The following MTUS1 variants were observed in gnomAD, a reference collection of about 807,000 sequenced individuals.
MTUS1 encodes microtubule-associated tumor suppressor 1.
A neutral mutation model predicts 120.8 loss-of-function variants in MTUS1; 109 were observed. The ratio of observed to expected loss-of-function variants is 0.90; its 90% CI spans 0.77 to 1.06. The LOEUF is 1.06. Among genes scored for constraint, MTUS1 ranks in the 50% least tolerant of loss-of-function variants. The probability of loss-of-function intolerance (pLI) is 0.00; values close to 1 mark genes in which losing one functional copy is unlikely to be tolerated. For missense variants in MTUS1, 2,210 were observed against 1,486.3 expected, an observed-to-expected ratio of 1.49 and a Z score of -8.01; for synonymous variants, 737 against 550.5, an observed-to-expected ratio of 1.34 and a Z score of -4.74.
At chr8:17,762,197 G>A (rs1035343480) in intron 1 of MTUS1, among the ~76,000 whole-genome samples, 7 of 152,088 alleles carry the variant, frequency 4.6e-5, no homozygotes, top group African/African-American at 1.7e-4. Flanking sequence ...GAGAATCACT[G>A]GAACTCAGGA....
intron 3 of MTUS1, among the ~76,000 whole-genome samples, chr8:17,736,095 G>C (rs1423074076): frequency 2.0e-5 from 3 of 152,132 alleles, no homozygotes; most frequent in African/African-American, 7.2e-5. Flanking sequence ...ACAGAGCAGC[G>C]ACTCTAAGCA....
intron 6 of MTUS1, 86 bp from the exon 7 acceptor site, chr8:17,684,628 A>T (rs1452831492): frequency 9.6e-7 from 1 of 1,036,872 alleles, no homozygotes. Context: ...CAACCAGATA[A>T]GCCACAGAAA....
At chr8:17,701,044 A>G (rs552991444) in intron 6 of MTUS1, among the ~76,000 whole-genome samples, 2 of 152,296 alleles carry the variant, frequency 1.3e-5, no homozygotes, top group East Asian at 3.9e-4. Flanking sequence ...CCTTCAATTT[A>G]TCTGTTATTG....
intron 7 of MTUS1, chr8:17,676,034 G>C: frequency 1.8e-6 from 1 of 555,346 alleles, no homozygotes; most frequent in South Asian, 2.2e-5. Flanking sequence ...AGATTCCCTA[G>C]CACCAGGGAG....
chr8:17,689,034 AC>A (rs1328590768), intron 6 of MTUS1, among the ~76,000 whole-genome samples: 1 of 152,142 alleles, frequency 6.6e-6, no homozygotes, highest in Non-Finnish European at 1.5e-5. Context: ...ACACAGTGAA[AC>A]CCCATCTCGA....
intron 5 of MTUS1, 145 bp downstream of exon 5, chr8:17,715,622 C>CA (rs982782412): frequency 2.2e-6 from 2 of 907,452 alleles, no homozygotes; most frequent in Non-Finnish European, 3.3e-6. Context: ...TTCCTCAGTG[C>CA]AAAAATGTAT....
chr8:17,714,216 C>G (rs892894299), intron 5 of MTUS1, among the ~76,000 whole-genome samples: 3 of 152,142 alleles, frequency 2.0e-5, no homozygotes, highest in Non-Finnish European at 4.4e-5. Flanking sequence ...CTGAAGAATT[C>G]AACCCACTCC....
chr8:17,773,904 G>C (rs942661199), intron 1 of MTUS1, among the ~76,000 whole-genome samples: 1 of 152,186 alleles, frequency 6.6e-6, no homozygotes, highest in East Asian at 1.9e-4. Flanking sequence ...TTCTGAGGTG[G>C]AAGCCAGGGC....
At chr8:17,650,223 C>G (rs1372996173) in intron 12 of MTUS1, among the ~76,000 whole-genome samples, 1 of 152,136 alleles carries the variant, frequency 6.6e-6, no homozygotes, top group Non-Finnish European at 1.5e-5. Flanking sequence ...GTTATTGTAT[C>G]AAGAGAAAAA....
chr8:17,666,360 G>T (rs1810912615), intron 8 of MTUS1, among the ~76,000 whole-genome samples: 1 of 151,786 alleles, frequency 6.6e-6, no homozygotes, highest in Non-Finnish European at 1.5e-5. Context: ...CATTTTTAGA[G>T]CACGAGGGTC....
intron 2 of MTUS1, among the ~76,000 whole-genome samples, 155 bp downstream of exon 2, chr8:17,753,562 C>A (rs1320322084): frequency 1.3e-5 from 2 of 152,014 alleles, no homozygotes; most frequent in African/African-American, 4.8e-5. Flanking sequence ...CCTATTAACA[C>A]CCCAGTACTG....
In MTUS1 at chr8:17,715,874, T is replaced by G. The variant is rs377509441; in HGVS notation, c.2477A>C (p.Glu826Ala). Residue 826 changes from glutamate (E) to alanine (A), a missense_variant, in exon 5 of 15, where the codon GAG becomes GCG. Glu to Ala is a moderately radical substitution (Grantham distance 107). Transcript: ENST00000693296. ...NSGNAAVIKYEEKPPKPAFQN... is the reference protein window; with the variant it reads ...NSGNAAVIKYAEKPPKPAFQN... Reference sequence around the variant, plus strand: ...AAATGCTGGTTTTGGAGGTTTCTCCTCATATTTGATGACAGCGGCATTACC... The same window carrying G: ...AAATGCTGGTTTTGGAGGTTTCTCCGCATATTTGATGACAGCGGCATTACC... 6.2e-7 allele frequency: 1 copy of G among 1,613,498 alleles called. No individual in the cohort carries two copies. The highest frequency in any genetic ancestry group is 2.2e-5 in the East Asian group (1 of 44,862).
rs542562746 is a variant in MTUS1 at position 17,674,568 on chromosome 8, T to A, written c.2905+618A>T. On this transcript the variant is annotated intron_variant, in intron 8 of 14. Coordinates refer to ENST00000693296, the MANE Select transcript of MTUS1 (RefSeq NM_001363059.2). ...AAACTGGAGGGCTGGGTGGTGGGTG[T>A]TGAGACCTGGAAACTGCAGGGCTGG... is the stretch of plus-strand genomic sequence containing the variant. The A allele has an allele frequency of 7.1e-6, 7 of 985,800 alleles. No homozygotes were observed. The South Asian group carries it at 1.9e-4, about 26-fold the overall frequency. The allele number at this position is 985,800 out of a possible 1,614,324, so 61.1% of individuals were successfully genotyped here.
At chr8:17,764,851 C>G (rs2049340640) in intron 1 of MTUS1, among the ~76,000 whole-genome samples, 1 of 152,202 alleles carries the variant, frequency 6.6e-6, no homozygotes, top group South Asian at 2.1e-4. Context: ...GCACCAGGGA[C>G]TGGTTTCATG....
chr8:17,690,002 G>T (rs751545239), intron 6 of MTUS1, among the ~76,000 whole-genome samples: 1 of 152,162 alleles, frequency 6.6e-6, no homozygotes, highest in Non-Finnish European at 1.5e-5. Context: ...AAAAGCAAAT[G>T]CAGCAAAAAC....
chr8:17,794,460 T>C (rs1322547699), intron 1 of MTUS1, among the ~76,000 whole-genome samples: 1 of 152,252 alleles, frequency 6.6e-6, no homozygotes. Context: ...GACTTGGTTC[T>C]GTATGTGGGG....
intron 1 of MTUS1, among the ~76,000 whole-genome samples, chr8:17,770,896 T>C (rs1260070653): frequency 1.3e-5 from 2 of 152,202 alleles, no homozygotes; most frequent in Non-Finnish European, 2.9e-5. Flanking sequence ...GAAGGCACTT[T>C]TGCCTGTCAG....
intron 10 of MTUS1, 48 bp downstream of exon 10, chr8:17,654,513 G>C (rs1401465418): frequency 2.5e-6 from 3 of 1,212,746 alleles, no homozygotes; most frequent in East Asian, 2.3e-5. Flanking sequence ...ACATCATGTG[G>C]TTCCTTCAGA....
chr8:17,713,098 C>G, intron 6 of MTUS1, 116 bp downstream of exon 6: 1 of 855,794 alleles, frequency 1.2e-6, no homozygotes, highest in South Asian at 1.5e-5. Flanking sequence ...AGGTTTACAC[C>G]TCAAATTGGA....
Sources: gnomAD v4.1 joint callset for allele counts (sites outside exome capture counted in the v4.1 genomes callset) on GRCh38, gnomAD v4.1.1 for gene constraint, MANE v1.5 for transcripts, NCBI Gene and HGNC (gene_info 2026-07-23, HGNC 2026-07-21) for gene names.